The following ABLIM1 variants were observed in gnomAD, a reference collection of about 807,000 sequenced individuals.
The protein encoded by ABLIM1 is actin binding LIM protein 1, also known as actin-binding LIM protein 1.
A neutral mutation model predicts 107.0 loss-of-function variants in ABLIM1; 40 were observed. The observed-to-expected ratio is 0.37, with a 90% CI of 0.29 to 0.49. ABLIM1 has a LOEUF of 0.49. ABLIM1 is among the 20% of genes least tolerant of loss of function. The pLI, the probability that ABLIM1 is intolerant of heterozygous loss-of-function variation, is 0.97. For synonymous variants in ABLIM1, 357 were observed against 357.3 expected (o/e 1.00, Z 0.01); for missense variants, 857 against 1,008.5 (o/e 0.85, Z 2.04).
At chr10:114,698,508 GA>G (rs1039321160) in intron 1 of ABLIM1, among the ~76,000 whole-genome samples, 1 of 151,366 alleles carries the variant, frequency 6.6e-6, no homozygotes, top group Non-Finnish European at 1.5e-5. Flanking sequence ...GAGAGAAACT[GA>G]AAAAAACAGA....
the ABLIM1 span, among the ~76,000 whole-genome samples, chr10:114,780,686 G>A: frequency 6.6e-6 from 1 of 152,154 alleles, no homozygotes; most frequent in Non-Finnish European, 1.5e-5. Flanking sequence ...GCCCAGTGCA[G>A]GAGCTCAGTA....
At chr10:114,556,943 G>T (rs551876875) in intron 4 of ABLIM1, among the ~76,000 whole-genome samples, 12 of 152,264 alleles carry the variant, frequency 7.9e-5, no homozygotes, top group Admixed American at 5.9e-4. Context: ...AATTTGTTAC[G>T]CTAAGCACTT....
Position 114,444,067 on chromosome 10 carries a change from G to A in ABLIM1, c.1895C>T (p.Ser632Phe). 6.2e-7 allele frequency: 1 copy of A among 1,612,504 alleles called. No homozygotes were observed. Among genetic ancestry groups the A allele is most frequent in the Admixed American group, 1.7e-5 (1 of 59,772 alleles). ...EMEKESRERS[S>F]LLASRYDSPI... Reference sequence around the variant, plus strand: ...AGAATCGTAGCGACTGGCTAACAGAGATGACCTTTCCCGGCTCTCTTTCTC... The same window carrying A: ...AGAATCGTAGCGACTGGCTAACAGAAATGACCTTTCCCGGCTCTCTTTCTC... Residue 632 changes from serine (S) to phenylalanine (F), a missense_variant, in exon 17 of 23, where the codon TCT (serine) becomes TTT (phenylalanine). By Grantham distance (155) the Ser-to-Phe change is radical. Transcript: ENST00000533213.
chr10:114,690,263 A>G, intron 1 of ABLIM1: 4 of 1,529,112 alleles, frequency 2.6e-6, no homozygotes, highest in South Asian at 1.1e-5. Context: ...CAAAGACCAC[A>G]TGCTTGCCAT....
chr10:114,717,225 C>T (rs1286902220), intron 1 of ABLIM1, among the ~76,000 whole-genome samples: 4 of 152,148 alleles, frequency 2.6e-5, no homozygotes, highest in Non-Finnish European at 4.4e-5. Flanking sequence ...TGCTTCTACT[C>T]GTGGGAAGAA....
intron 20 of ABLIM1, 25 bp from the exon 21 acceptor site, chr10:114,439,275 G>C: frequency 1.2e-6 from 2 of 1,613,826 alleles, no homozygotes; most frequent in Non-Finnish European, 8.5e-7. Context: ...CCAGTTCCAG[G>C]TGAGGCATGA....
chr10:114,628,322 T>TA (rs2077950557), intron 1 of ABLIM1, among the ~76,000 whole-genome samples: 1 of 152,194 alleles, frequency 6.6e-6, no homozygotes, highest in South Asian at 2.1e-4. Flanking sequence ...TTGTCATGAG[T>TA]AAGAAGTCAG....
At chr10:114,745,416 C>A (rs1181789151) in intron 1 of ABLIM1, among the ~76,000 whole-genome samples, 1 of 151,452 alleles carries the variant, frequency 6.6e-6, no homozygotes, top group East Asian at 1.9e-4. Context: ...CAAAAATTAG[C>A]CAGGCATGGT....
chr10:114,691,216 G>A (rs11196880), intron 1 of ABLIM1, among the ~76,000 whole-genome samples: 7,778 of 152,214 alleles, frequency 0.051, 246 homozygotes, highest in Middle Eastern at 0.088. Context: ...ATTATGAGAC[G>A]TGATCAATGG....
chr10:114,499,054 C>A (rs186437184), intron 6 of ABLIM1, among the ~76,000 whole-genome samples: 143 of 152,340 alleles, frequency 9.4e-4, no homozygotes, highest in Admixed American at 1.3e-3. Flanking sequence ...CCCAAACCCA[C>A]CAGTGCTTCC....
At chr10:114,721,027 C>G (rs1298209125) in intron 1 of ABLIM1, among the ~76,000 whole-genome samples, 1 of 152,224 alleles carries the variant, frequency 6.6e-6, no homozygotes, top group Non-Finnish European at 1.5e-5. Flanking sequence ...GTAAATCTGG[C>G]TAACATCAAA....
At chr10:114,561,604 A>C (rs2069712543) in intron 4 of ABLIM1, among the ~76,000 whole-genome samples, 1 of 152,216 alleles carries the variant, frequency 6.6e-6, no homozygotes, top group African/African-American at 2.4e-5. Flanking sequence ...CAATCTGTAT[A>C]AATATACAAT....
intron 5 of ABLIM1, chr10:114,547,401 C>G (rs1002055095): frequency 4.3e-6 from 2 of 470,168 alleles, no homozygotes; most frequent in African/African-American, 4.0e-5. Context: ...TAATGACATA[C>G]AGTGTAACAG....
intron 12 of ABLIM1, among the ~76,000 whole-genome samples, chr10:114,463,483 G>T (rs2064395008): frequency 6.6e-6 from 1 of 151,956 alleles, no homozygotes; most frequent in Admixed American, 6.6e-5. Context: ...CTCAACAACA[G>T]CTGTTTTTAA....
intron 1 of ABLIM1, among the ~76,000 whole-genome samples, chr10:114,714,012 A>G (rs183854370): frequency 2.6e-5 from 4 of 152,322 alleles, no homozygotes; most frequent in African/African-American, 9.6e-5. Flanking sequence ...GACTTGAAAA[A>G]TCATCTCCCA....
At chr10:114,555,918 C>T (rs1245059522) in intron 4 of ABLIM1, among the ~76,000 whole-genome samples, 2 of 151,808 alleles carry the variant, frequency 1.3e-5, no homozygotes, top group Non-Finnish European at 2.9e-5. Context: ...TGGCTATACA[C>T]ATGGATAAAA....
At chr10:114,565,361 CA>C (rs1379639496) in intron 4 of ABLIM1, among the ~76,000 whole-genome samples, 1 of 152,220 alleles carries the variant, frequency 6.6e-6, no homozygotes, top group African/African-American at 2.4e-5. Flanking sequence ...GTGACAAAAG[CA>C]GAGTCACAAA....
chr10:114,701,477 C>A (rs893669655), intron 1 of ABLIM1, among the ~76,000 whole-genome samples: 7 of 152,070 alleles, frequency 4.6e-5, no homozygotes, highest in African/African-American at 1.7e-4. Context: ...ATGTTCACAG[C>A]AGCTTTATTC....
intron 4 of ABLIM1, among the ~76,000 whole-genome samples, chr10:114,558,484 G>A (rs2069115583): frequency 6.6e-6 from 1 of 152,290 alleles, no homozygotes; most frequent in East Asian, 1.9e-4. Flanking sequence ...CCCCACACCT[G>A]CTACTGCAAT....
Sources: gnomAD v4.1 joint callset for allele counts (sites outside exome capture counted in the v4.1 genomes callset) on GRCh38, gnomAD v4.1.1 for gene constraint, MANE v1.5 for transcripts, NCBI Gene and HGNC (gene_info 2026-07-23, HGNC 2026-07-21) for gene names.